OR8G1: variants seen among roughly 807,000 people sequenced by gnomAD.
The protein encoded by OR8G1 is olfactory receptor family 8 subfamily G member 1.
For synonymous variants in OR8G1, 129 were observed against 133.3 expected, an observed-to-expected ratio of 0.97 and a Z score of 0.22; for missense variants, 372 against 356.2, an observed-to-expected ratio of 1.04 and a Z score of -0.36.
intron 2 of OR8G1, among the ~76,000 whole-genome samples, chr11:124,248,237 A>G (rs7946143): frequency 0.51 from 77,519 of 151,676 alleles, 20,450 homozygotes; most frequent in South Asian, 0.7. Flanking sequence ...TATTATTTCT[A>G]TATTTTGAAT....
In OR8G1 at chr11:124,249,702, G is replaced by C. The variant is rs778820261; in HGVS notation, c.27G>C (p.Val9=). 21 of 1,613,204 alleles carry C rather than the reference G, an allele frequency of 1.3e-5. No homozygotes were observed. In the South Asian group the frequency reaches 2.1e-4, roughly 16 times the overall value. The part of the protein sequence containing the change: MSGENNSS[V]TEFILAGLSE... ...TGTCAGGAGAAAATAATTCCTCAGT[G>C]ACTGAGTTCATTCTGGCTGGGCTCT... Residue 9 remains valine (V), a synonymous_variant, in exon 3 of 3, where the codon GTG becomes GTC. Coordinates refer to ENST00000641972, the MANE Select transcript of OR8G1 (RefSeq NM_001002905.2).
chr11:124,251,550 G>A lies in OR8G1; in HGVS notation c.*939G>A. ...TATTTGTTCTGTGAAAAATCCCAAT[G>A]CAGATATGATAACTTGTTAACACCT... On this transcript the variant is annotated 3_prime_UTR_variant, in exon 3 of 3. Transcript: ENST00000641972. The A allele has an allele frequency of 2.7e-6, 1 of 372,298 alleles. No individual in the cohort carries two copies. The highest frequency in any genetic ancestry group is 4.7e-6 in the Non-Finnish European group (1 of 212,112). 23.1% of individuals were successfully genotyped at this position (372,298 alleles called of 1,614,324 possible).
chr11:124,247,117 A>G (rs1861818451), intron 1 of OR8G1, among the ~76,000 whole-genome samples: 2 of 151,792 alleles, frequency 1.3e-5, no homozygotes, highest in South Asian at 2.1e-4. Flanking sequence ...GAGGTTAGGG[A>G]AAAAAATAGG....
At position 124,250,716 on chromosome 11, in the gene OR8G1, T is replaced by C; in HGVS notation, c.*105T>C. ...TGCATCTGTCAATAATTTTTACCAT[T>C]TGGTGAGATTATATTACCATTATTT... is the stretch of plus-strand genomic sequence containing the variant. On this transcript the variant is annotated 3_prime_UTR_variant, in exon 3 of 3. Coordinates refer to ENST00000641972, the MANE Select transcript of OR8G1 (RefSeq NM_001002905.2). The C allele has an allele frequency of 2.4e-6, 1 of 408,502 alleles. No individual in the cohort carries two copies. The highest frequency in any genetic ancestry group is 4.0e-6 in the Non-Finnish European group (1 of 247,702). 25.3% of individuals were successfully genotyped at this position (408,502 alleles called of 1,614,324 possible). A position where few individuals can be genotyped will look rare whatever the true frequency, so the allele number is the denominator to read the frequency against.
rs750763333 is a variant in OR8G1 at position 124,253,042 on chromosome 11, C to T, written c.*2431C>T. ...ACTCCAATATTAGCTTTTCCTTCTT[C>T]GCATTTTGACTCAAATTTGTAAACA... On this transcript the variant is annotated 3_prime_UTR_variant, in exon 3 of 3. Transcript: ENST00000641972. The T allele has an allele frequency of 6.6e-5, 10 of 152,098 alleles. No homozygotes were observed. Among genetic ancestry groups the T allele is most frequent in the East Asian group, 1.9e-4 (1 of 5,196 alleles). The allele number at this position is 152,098 out of a possible 1,614,324, so 9.4% of individuals were successfully genotyped here. A position where few individuals can be genotyped will look rare whatever the true frequency, so the allele number is the denominator to read the frequency against.
At chr11:124,241,719 G>A (rs1434867506) in intron 1 of OR8G1, among the ~76,000 whole-genome samples, 1 of 152,076 alleles carries the variant, frequency 6.6e-6, no homozygotes, top group Non-Finnish European at 1.5e-5. Context: ...ATATTTACCA[G>A]ACATCAGAAA....
intron 1 of OR8G1, among the ~76,000 whole-genome samples, chr11:124,246,881 G>A (rs1161420633): frequency 0.098 from 399 of 4,052 alleles, 5 homozygotes; most frequent in African/African-American, 0.35. Context: ...AAAAAAAAAA[G>A]GCCCCACATC....
intron 1 of OR8G1, among the ~76,000 whole-genome samples, chr11:124,245,506 T>TAGCAGCATGACATATACCCA: frequency 9.3e-6 from 1 of 107,672 alleles, no homozygotes. Context: ...GCAGCATGAT[T>TAGCAGCATGACATATACCCA]TATAGTCTTT....
chr11:124,245,328 T>A (rs1339414413), intron 1 of OR8G1, among the ~76,000 whole-genome samples: 1 of 149,588 alleles, frequency 6.7e-6, no homozygotes, highest in Non-Finnish European at 1.5e-5. Context: ...TCCATGTCCC[T>A]ACAAAGGATA....
intron 1 of OR8G1, among the ~76,000 whole-genome samples, chr11:124,243,910 G>A (rs1861784327): frequency 6.6e-6 from 1 of 151,844 alleles, no homozygotes; most frequent in African/African-American, 2.4e-5. Context: ...TTCTGCACAT[G>A]TATCCCAGAA....
At chr11:124,244,467 C>T (rs1297912457) in intron 1 of OR8G1, among the ~76,000 whole-genome samples, 4 of 151,836 alleles carry the variant, frequency 2.6e-5, no homozygotes, top group Admixed American at 1.3e-4. Flanking sequence ...CCATGTTACT[C>T]GGTCTTACTC....
Position 124,252,056 on chromosome 11 carries a change from A to G in OR8G1, c.*1445A>G, listed in dbSNP as rs1204494090. 6.6e-6 allele frequency: 1 copy of G among 152,144 alleles called. No individual in the cohort carries two copies. Among genetic ancestry groups the G allele is most frequent in the African/African-American group, 2.4e-5 (1 of 41,436 alleles). 9.4% of individuals were successfully genotyped at this position (152,144 alleles called of 1,614,324 possible). ...TCACAGGCTCCTGGATATCGAAACT[A>G]TAGTTTGTCCATCCTTTTAGTTGAA... On this transcript the variant is annotated 3_prime_UTR_variant, in exon 3 of 3. Transcript: ENST00000641972.
rs1265848426 is a variant in OR8G1 at position 124,252,802 on chromosome 11, TCTC to T, written c.*2193_*2195del. ...GCTTTGCACTTTCACTCTGGAAACT[TCTC>T]CACAATTTCAGATGCTCATTTGGCT... is the stretch of plus-strand genomic sequence containing the variant. On this transcript the variant is annotated 3_prime_UTR_variant, in exon 3 of 3. Coordinates refer to ENST00000641972, the MANE Select transcript of OR8G1 (RefSeq NM_001002905.2). 6.6e-6 allele frequency: 1 copy of T among 152,180 alleles called. No homozygotes were observed. The highest frequency in any genetic ancestry group is 1.5e-5 in the Non-Finnish European group (1 of 68,024). 9.4% of individuals were successfully genotyped at this position (152,180 alleles called of 1,614,324 possible). A position where few individuals can be genotyped will look rare whatever the true frequency, so the allele number is the denominator to read the frequency against.
intron 1 of OR8G1, 150 bp downstream of exon 1, chr11:124,241,514 A>G (rs980222060): frequency 2.0e-5 from 3 of 152,094 alleles, no homozygotes; most frequent in African/African-American, 7.2e-5. Context: ...TGGGCCAGCC[A>G]CTTTGCTAGT....
chr11:124,249,877 T>C lies in OR8G1; in HGVS notation c.202T>C (p.Phe68Leu). ...GTACTATTTCCTCAGCAGTCTGTCC[T>C]TCATTGACTTCTGCCATTCCACTGT... Reference protein sequence around the residue: ...PMYYFLSSLSFIDFCHSTVIT... With the variant: ...PMYYFLSSLSLIDFCHSTVIT... The change falls in exon 3 of 3, where the codon TTC (phenylalanine) becomes CTC (leucine). Residue 68 changes from phenylalanine to leucine, a missense_variant. Transcript: ENST00000641972. 6.2e-7 allele frequency: 1 copy of C among 1,614,068 alleles called. No individual in the cohort carries two copies. Among genetic ancestry groups the C allele is most frequent in the South Asian group, 1.1e-5 (1 of 91,082 alleles).
At chr11:124,249,592 A>T in intron 2 of OR8G1, 68 bp from the exon 3 acceptor site, 1 of 1,452,198 alleles carries the variant, frequency 6.9e-7, no homozygotes, top group East Asian at 2.5e-5. Flanking sequence ...ACCTTTTCTC[A>T]ATGAAGAATA....
chr11:124,242,437 T>A (rs1217990186), intron 1 of OR8G1, among the ~76,000 whole-genome samples: 1 of 152,066 alleles, frequency 6.6e-6, no homozygotes, highest in African/African-American at 2.4e-5. Flanking sequence ...CATAATGAAG[T>A]TACTGGATGA....
rs557262810 is a variant in OR8G1, at chr11:124,244,972, T to G, written c.-96-2829T>G. Among the ~76,000 whole-genome samples the G allele has an allele frequency of 4.6e-5, 7 of 150,772 alleles. No homozygotes were observed. In the East Asian group the frequency reaches 1.2e-3, roughly 25 times the overall value. The stretch of plus-strand genomic sequence containing the variant: ...TTTGCAACACTGAGTCATTAAATTA[T>G]GAATAGGAAAACTTCTTAACCTTAT... On this transcript the variant is annotated intron_variant, in intron 1 of 2. Coordinates refer to ENST00000641972, the MANE Select transcript of OR8G1 (RefSeq NM_001002905.2).
In OR8G1 at chr11:124,250,364, C is replaced by A. The variant is rs756646568; in HGVS notation, c.689C>A (p.Ser230Tyr). Residue 230 changes from serine to tyrosine, a missense_variant, in exon 3 of 3, where the codon TCC becomes TAC. By Grantham distance (144) the Ser-to-Tyr change is moderately radical. Coordinates refer to ENST00000641972, the MANE Select transcript of OR8G1 (RefSeq NM_001002905.2). ...ATTGCCAGCATCCTCCACATTCGCTCCACTGAGGGCAGGTCCAAAGCCTTC... is the reference window on the plus strand; with the variant it reads ...ATTGCCAGCATCCTCCACATTCGCTACACTGAGGGCAGGTCCAAAGCCTTC... ...FIIASILHIR[S>Y]TEGRSKAFST... The A allele has an allele frequency of 6.8e-6, 11 of 1,613,690 alleles. No individual in the cohort carries two copies. Among genetic ancestry groups the A allele is most frequent in the Admixed American group, 6.7e-5 (4 of 59,950 alleles).
Sources: gnomAD v4.1 joint callset for allele counts (sites outside exome capture counted in the v4.1 genomes callset) on GRCh38, gnomAD v4.1.1 for gene constraint, MANE v1.5 for transcripts, NCBI Gene and HGNC (gene_info 2026-07-23, HGNC 2026-07-21) for gene names.